The following ZNF215 variants were observed in gnomAD, a reference collection of about 807,000 sequenced individuals.
ZNF215 encodes BWSCR2-associated zinc finger protein 2.
In ZNF215, 24 loss-of-function variants were observed where a neutral mutation model predicts 27.2. The observed-to-expected ratio is 0.88, with a 90% CI of 0.64 to 1.24. ZNF215 has a LOEUF of 1.24. Ranked by LOEUF, ZNF215 falls within the 50% of genes most tolerant of loss-of-function variation. ZNF215 has a pLI of 0.00. For missense variants in ZNF215, 675 were observed against 605.7 expected (o/e 1.11, Z -1.20); for synonymous variants, 210 against 204.0 (o/e 1.03, Z -0.25).
intron 5 of ZNF215, among the ~76,000 whole-genome samples, chr11:6,972,117 A>T (rs1850730171): frequency 1.3e-5 from 2 of 152,148 alleles, no homozygotes; most frequent in African/African-American, 4.8e-5. Flanking sequence ...GGGAAACTAC[A>T]TTAAATGTTT....
At chr11:6,954,052 T>G (rs756805423) in intron 6 of ZNF215, among the ~76,000 whole-genome samples, 1 of 152,142 alleles carries the variant, frequency 6.6e-6, no homozygotes, top group African/African-American at 2.4e-5. Context: ...GAACAGCGGA[T>G]TTTTGTGAAC....
chr11:6,951,605 C>CT (rs1850068099), intron 6 of ZNF215, among the ~76,000 whole-genome samples: 1 of 152,146 alleles, frequency 6.6e-6, no homozygotes, highest in African/African-American at 2.4e-5. Flanking sequence ...TTTATTGAGT[C>CT]TATCAGAGTC....
In ZNF215 at chr11:6,982,697, C is replaced by T. The variant is rs1419116796; in HGVS notation, c.806-1432C>T. On this transcript the variant is annotated intron_variant, in intron 5 of 5. Coordinates refer to the ZNF215 transcript ENST00000529903. Reference sequence around the variant, plus strand: ...AAATGAAGGCAGAAATAAAGATGTTCTTTGAAACCAACGAGAACAAAGACA... The same window carrying T: ...AAATGAAGGCAGAAATAAAGATGTTTTTTGAAACCAACGAGAACAAAGACA... Among the ~76,000 whole-genome samples the T allele has an allele frequency of 3.9e-5, 6 of 151,972 alleles. No homozygotes were observed. In the East Asian group the frequency reaches 1.2e-3, roughly 29 times the overall value.
At chr11:6,980,832 T>A (rs1850936393) in intron 5 of ZNF215, among the ~76,000 whole-genome samples, 1 of 148,014 alleles carries the variant, frequency 6.8e-6, no homozygotes, top group Non-Finnish European at 1.5e-5. Context: ...ATTGTTCATT[T>A]CCCACCTATG....
At chr11:6,948,025 G>T (rs896341310) in intron 6 of ZNF215, among the ~76,000 whole-genome samples, 1 of 152,180 alleles carries the variant, frequency 6.6e-6, no homozygotes, top group African/African-American at 2.4e-5. Flanking sequence ...TAAAGACTAG[G>T]TCTAGAAGTG....
At chr11:6,935,867 A>G (rs545608023) in intron 3 of ZNF215, among the ~76,000 whole-genome samples, 3 of 152,260 alleles carry the variant, frequency 2.0e-5, no homozygotes, top group Admixed American at 2.0e-4. Flanking sequence ...TTTTCCAACT[A>G]TAGCAGAATT....
intron 2 of ZNF215, among the ~76,000 whole-genome samples, chr11:6,928,999 A>T (rs1043402860): frequency 6.6e-6 from 1 of 151,866 alleles, no homozygotes; most frequent in African/African-American, 2.4e-5. Context: ...GTTTGGGGAG[A>T]TGTCAAGGAG....
chr11:6,961,921 T>G (rs1237727547), downstream of ZNF215, among the ~76,000 whole-genome samples: 1 of 152,154 alleles, frequency 6.6e-6, no homozygotes. Context: ...AACAGAAAGG[T>G]TATCCCTGTG....
chr11:6,990,696 T>C (rs1308323499), downstream of ZNF215, among the ~76,000 whole-genome samples: 2 of 152,386 alleles, frequency 1.3e-5, no homozygotes, highest in Non-Finnish European at 2.9e-5. Context: ...TTTATATATA[T>C]TAGGTGGATA....
chr11:6,973,392 A>G (rs576115580), intron 5 of ZNF215, among the ~76,000 whole-genome samples: 4 of 152,314 alleles, frequency 2.6e-5, no homozygotes, highest in African/African-American at 4.8e-5. Context: ...CATGATTTAT[A>G]ATCCTTTGGG....
At position 6,932,592 on chromosome 11, in the gene ZNF215, G is replaced by A. The variant is rs775365956; in HGVS notation, c.320G>A (p.Trp107Ter). 7 of 1,614,014 alleles carry A rather than the reference G, an allele frequency of 4.3e-6. No individual in the cohort carries two copies. The African/African-American group carries it at 9.3e-5, about 22-fold the overall frequency. The part of the protein sequence containing the change: ...LAILPEEVRT[W>*]VNLQHPNNSK... The stretch of plus-strand genomic sequence containing the variant: ...ATCCTGCCTGAAGAAGTCAGGACTT[G>A]GGTGAATTTACAACATCCAAACAAC... The change falls in exon 3 of 7, where the codon TGG (tryptophan) becomes TAG (stop). Residue 107 changes from tryptophan to a stop codon, truncating the protein, a stop_gained. Transcript: ENST00000278319. LOFTEE classifies it high-confidence loss of function.
intron 1 of ZNF215, 89 bp from the exon 2 acceptor site, chr11:6,927,573 C>G (rs142575740): frequency 6.6e-6 from 1 of 152,362 alleles, no homozygotes; most frequent in Non-Finnish European, 1.5e-5. Context: ...GGCTCCGTGT[C>G]TTAATCCTGA....
chr11:6,954,002 C>T (rs1850205601), intron 6 of ZNF215, among the ~76,000 whole-genome samples: 1 of 152,186 alleles, frequency 6.6e-6, no homozygotes, highest in South Asian at 2.1e-4. Context: ...GAGGTCCACT[C>T]CAGACCCTGT....
downstream of ZNF215, among the ~76,000 whole-genome samples, chr11:6,987,731 A>G (rs11041124): frequency 0.18 from 28,097 of 152,172 alleles, 2,812 homozygotes; most frequent in Non-Finnish European, 0.23. Flanking sequence ...CACCAAAGTA[A>G]TAACATCCAT....
At chr11:6,970,381 A>G (rs542276518) in intron 5 of ZNF215, among the ~76,000 whole-genome samples, 1 of 152,350 alleles carries the variant, frequency 6.6e-6, no homozygotes, top group South Asian at 2.1e-4. Flanking sequence ...TCCTGATATG[A>G]ACAAATCTGT....
chr11:6,978,357 G>A (rs1850876833), intron 5 of ZNF215, among the ~76,000 whole-genome samples: 2 of 152,160 alleles, frequency 1.3e-5, no homozygotes, highest in Admixed American at 6.6e-5. Flanking sequence ...AGGCAAAACT[G>A]ATCTATGGTG....
chr11:6,942,936 A>T, intron 4 of ZNF215, 147 bp from the exon 5 acceptor site: 1 of 1,236,972 alleles, frequency 8.1e-7, no homozygotes, highest in Non-Finnish European at 1.1e-6. Flanking sequence ...GATTTTCATC[A>T]CTTAGAACCT....
At chr11:6,937,613 C>T (rs529908497) in intron 3 of ZNF215, among the ~76,000 whole-genome samples, 1 of 150,160 alleles carries the variant, frequency 6.7e-6, no homozygotes, top group South Asian at 2.1e-4. Context: ...ATGTATACTT[C>T]TCAATTTCAA....
intron 5 of ZNF215, among the ~76,000 whole-genome samples, chr11:6,983,734 C>G (rs1851007750): frequency 6.6e-6 from 1 of 151,708 alleles, no homozygotes; most frequent in Non-Finnish European, 1.5e-5. Flanking sequence ...ACGAATAAAA[C>G]CAAAAATAAA....
Sources: gnomAD v4.1 joint callset for allele counts (sites outside exome capture counted in the v4.1 genomes callset) on GRCh38, gnomAD v4.1.1 for gene constraint, MANE v1.5 for transcripts, NCBI Gene and HGNC (gene_info 2026-07-23, HGNC 2026-07-21) for gene names.